Variants in MARCHF3 observed in about 807,000 individuals in gnomAD.
MARCHF3 encodes E3 ubiquitin-protein ligase MARCHF3.
In MARCHF3, 13 loss-of-function variants were observed where a neutral mutation model predicts 24.2. The ratio of observed to expected loss-of-function variants is 0.54; its 90% CI spans 0.35 to 0.85. The LOEUF (loss-of-function observed/expected upper bound fraction) is 0.85. MARCHF3 is among the 40% of genes least tolerant of loss of function. The pLI, the probability that MARCHF3 is intolerant of heterozygous loss-of-function variation, is 0.01. For synonymous variants in MARCHF3, 144 were observed against 137.3 expected (o/e 1.05, Z -0.34); for missense variants, 276 against 325.0 (o/e 0.85, Z 1.16).
At chr5:126,966,082 A>T (rs1750804316) in intron 1 of MARCHF3, among the ~76,000 whole-genome samples, 8 of 152,226 alleles carry the variant, frequency 5.3e-5, no homozygotes, top group Admixed American at 5.2e-4. Context: ...AAGAAGCTGG[A>T]CACAAGAATG....
intron 1 of MARCHF3, among the ~76,000 whole-genome samples, chr5:126,994,244 G>A (rs1751871198): frequency 6.6e-6 from 1 of 152,158 alleles, no homozygotes; most frequent in Admixed American, 6.5e-5. Context: ...CTTTGTCATA[G>A]GAGCTAGACT....
At chr5:126,884,745 T>C (rs1753452347) in intron 3 of MARCHF3, among the ~76,000 whole-genome samples, 1 of 152,210 alleles carries the variant, frequency 6.6e-6, no homozygotes, top group Non-Finnish European at 1.5e-5. Context: ...TCTGCCCCAC[T>C]ACTGACATCC....
At chr5:126,898,784 A>G (rs1754009175) in intron 3 of MARCHF3, 1 of 880,374 alleles carries the variant, frequency 1.1e-6, no homozygotes, top group South Asian at 5.3e-5. Context: ...GAGCCCTAAA[A>G]GACTTTGAAC....
At chr5:126,876,989 T>C (rs764627410) in intron 4 of MARCHF3, among the ~76,000 whole-genome samples, 10 of 152,220 alleles carry the variant, frequency 6.6e-5, no homozygotes, top group Non-Finnish European at 1.2e-4. Context: ...ATAGTTTTGC[T>C]TGGGGCTTCA....
chr5:126,970,782 G>C (rs1750984033), intron 1 of MARCHF3, among the ~76,000 whole-genome samples: 1 of 152,156 alleles, frequency 6.6e-6, no homozygotes, highest in Admixed American at 6.5e-5. Context: ...TTTCTTCAAA[G>C]GCCAGCCAAA....
intron 1 of MARCHF3, among the ~76,000 whole-genome samples, chr5:126,960,576 A>G (rs987651216): frequency 6.6e-6 from 1 of 152,058 alleles, no homozygotes; most frequent in African/African-American, 2.4e-5. Context: ...CCATGTGAAC[A>G]TTTTTTGTAA....
intron 1 of MARCHF3, among the ~76,000 whole-genome samples, chr5:126,938,287 C>A (rs930172850): frequency 6.6e-6 from 1 of 151,440 alleles, no homozygotes; most frequent in African/African-American, 2.4e-5. Context: ...GATGCCTCAG[C>A]CTCCCGAGTA....
At chr5:127,000,865 A>C (rs975389965) in intron 1 of MARCHF3, among the ~76,000 whole-genome samples, 2 of 151,724 alleles carry the variant, frequency 1.3e-5, no homozygotes, top group Admixed American at 6.6e-5. Context: ...ACGGGGTTTC[A>C]CCGTGTTAGC....
chr5:126,957,405 C>T (rs1289483636), intron 1 of MARCHF3, among the ~76,000 whole-genome samples: 1 of 152,140 alleles, frequency 6.6e-6, no homozygotes, highest in Admixed American at 6.5e-5. Flanking sequence ...TCTGCAGTCT[C>T]TTCCATCATT....
intron 1 of MARCHF3, among the ~76,000 whole-genome samples, chr5:126,975,413 T>C (rs1013572153): frequency 6.6e-6 from 1 of 152,248 alleles, no homozygotes; most frequent in African/African-American, 2.4e-5. Context: ...TTGATATACA[T>C]TGTACAAGGA....
intron 3 of MARCHF3, among the ~76,000 whole-genome samples, chr5:126,906,039 T>G (rs1329127747): frequency 1.3e-5 from 2 of 151,694 alleles, no homozygotes; most frequent in African/African-American, 4.9e-5. Flanking sequence ...TTGTTGAATT[T>G]TGTCAAAGGC....
chr5:126,972,395 C>CTG (rs1751049687), intron 1 of MARCHF3, among the ~76,000 whole-genome samples: 1 of 152,262 alleles, frequency 6.6e-6, no homozygotes, highest in East Asian at 1.9e-4. Flanking sequence ...ATAATCACTA[C>CTG]TGTGCTTCGT....
At chr5:126,885,791 C>G (rs1753493565) in intron 3 of MARCHF3, among the ~76,000 whole-genome samples, 1 of 151,390 alleles carries the variant, frequency 6.6e-6, no homozygotes, top group African/African-American at 2.4e-5. Flanking sequence ...TTACATATTG[C>G]TCTTCTTAGG....
At chr5:126,884,541 A>G (rs931271141) in intron 3 of MARCHF3, among the ~76,000 whole-genome samples, 5 of 152,136 alleles carry the variant, frequency 3.3e-5, no homozygotes, top group Non-Finnish European at 7.4e-5. Flanking sequence ...CCAAAACAGA[A>G]CTCCTGATTA....
chr5:126,976,951 T>G (rs1011964459), intron 1 of MARCHF3, among the ~76,000 whole-genome samples: 2 of 152,226 alleles, frequency 1.3e-5, no homozygotes, highest in Non-Finnish European at 1.5e-5. Context: ...CCTAGGAGCT[T>G]TGAAGAGAAA....
intron 3 of MARCHF3, among the ~76,000 whole-genome samples, chr5:126,894,776 C>T (rs569313545): frequency 4.6e-5 from 7 of 152,086 alleles, no homozygotes; most frequent in Admixed American, 2.0e-4. Context: ...GTGAATCTGA[C>T]AATTATGTGT....
chr5:126,922,218 A>G (rs1487288835), intron 1 of MARCHF3, among the ~76,000 whole-genome samples: 1 of 152,110 alleles, frequency 6.6e-6, no homozygotes, highest in Non-Finnish European at 1.5e-5. Flanking sequence ...AGTTAGGGAA[A>G]AAGCTCTGTT....
intron 1 of MARCHF3, among the ~76,000 whole-genome samples, chr5:126,959,179 A>C (rs938461324): frequency 6.6e-6 from 1 of 152,180 alleles, no homozygotes; most frequent in African/African-American, 2.4e-5. Flanking sequence ...GACAAACGCT[A>C]CCTCAGCCAG....
chr5:126,913,750 C>T (rs1377589022), intron 3 of MARCHF3, among the ~76,000 whole-genome samples: 1 of 152,182 alleles, frequency 6.6e-6, no homozygotes, highest in Non-Finnish European at 1.5e-5. Flanking sequence ...CACAGAGCTA[C>T]AAAGCTCTCT....
Sources: gnomAD v4.1 joint callset for allele counts (sites outside exome capture counted in the v4.1 genomes callset) on GRCh38, gnomAD v4.1.1 for gene constraint, MANE v1.5 for transcripts, NCBI Gene and HGNC (gene_info 2026-07-23, HGNC 2026-07-21) for gene names.